ZNF383: variants seen among roughly 807,000 people sequenced by gnomAD.
The protein encoded by ZNF383 is zinc finger protein 383.
ZNF383 carries 32 observed loss-of-function variants against 44.2 expected under a neutral mutation model. The ratio of observed to expected loss-of-function variants is 0.72; its 90% CI spans 0.55 to 0.97. The LOEUF (loss-of-function observed/expected upper bound fraction) is 0.97, where lower values mean the gene tolerates loss of function less well. Among genes scored for constraint, ZNF383 ranks in the 50% least tolerant of loss-of-function variants. The probability of loss-of-function intolerance (pLI) is 0.00; values close to 1 mark genes in which losing one functional copy is unlikely to be tolerated. For missense variants in ZNF383, 487 were observed against 562.5 expected, an observed-to-expected ratio of 0.87 and a Z score of 1.36; for synonymous variants, 155 against 186.2, an observed-to-expected ratio of 0.83 and a Z score of 1.36.
At chr19:37,231,117 C>T (rs1273236954) in intron 3 of ZNF383, among the ~76,000 whole-genome samples, 3 of 152,322 alleles carry the variant, frequency 2.0e-5, no homozygotes, top group Middle Eastern at 3.4e-3. Flanking sequence ...TACAATGGTT[C>T]AGCCAATGCA....
Position 37,243,818 on chromosome 19 carries a change from C to T in ZNF383, c.*154C>T, listed in dbSNP as rs928235227. The T allele has an allele frequency of 1.6e-4, 83 of 531,858 alleles. No individual in the cohort carries two copies. The highest frequency in any genetic ancestry group is 1.8e-4 in the Non-Finnish European group (57 of 311,412). 32.9% of individuals were successfully genotyped at this position (531,858 alleles called of 1,614,324 possible). A position where few individuals can be genotyped will look rare whatever the true frequency, so the allele number is the denominator to read the frequency against. On this transcript the variant is annotated 3_prime_UTR_variant, in exon 6 of 6. Coordinates refer to ENST00000684119, the MANE Select transcript of ZNF383 (RefSeq NM_001387601.1). ...GTTATAAATTCGGAGTCTAAAGTGA[C>T]ATTCCCTCTCTCCCCCAGTCATATA...
intron 1 of ZNF383, among the ~76,000 whole-genome samples, chr19:37,220,553 A>G (rs1474739570): frequency 1.5e-5 from 2 of 137,422 alleles, no homozygotes; most frequent in Non-Finnish European, 3.0e-5. Flanking sequence ...CTCCTGGCCT[A>G]TATTTGTTTT....
At chr19:37,239,866 T>TA in intron 5 of ZNF383, among the ~76,000 whole-genome samples, 1 of 152,166 alleles carries the variant, frequency 6.6e-6, no homozygotes, top group Non-Finnish European at 1.5e-5. Context: ...AGATGAAAGT[T>TA]ACTGCAAGAT....
intron 1 of ZNF383, among the ~76,000 whole-genome samples, chr19:37,222,812 G>T (rs1053933757): frequency 7.2e-5 from 11 of 152,122 alleles, no homozygotes; most frequent in Non-Finnish European, 1.3e-4. Context: ...TTTGTCTTGG[G>T]TGTATTTCTA....
intron 3 of ZNF383, among the ~76,000 whole-genome samples, chr19:37,232,535 C>T (rs1171349708): frequency 6.6e-6 from 1 of 152,090 alleles, no homozygotes; most frequent in Non-Finnish European, 1.5e-5. Context: ...GGATGCACAT[C>T]GTATCTGGTT....
intron 1 of ZNF383, among the ~76,000 whole-genome samples, chr19:37,224,013 G>A (rs966829285): frequency 6.6e-6 from 1 of 151,804 alleles, no homozygotes; most frequent in African/African-American, 2.4e-5. Flanking sequence ...CAGCCTGGGC[G>A]GCAGAGTGAG....
intron 1 of ZNF383, among the ~76,000 whole-genome samples, chr19:37,222,816 A>G (rs1215517337): frequency 6.6e-6 from 1 of 152,114 alleles, no homozygotes; most frequent in Non-Finnish European, 1.5e-5. Flanking sequence ...TCTTGGGTGT[A>G]TTTCTAGGAG....
chr19:37,243,635 C>A lies in ZNF383; in HGVS notation c.1399C>A (p.Arg467Ser). The change falls in exon 6 of 6, where the codon CGT becomes AGT. Residue 467 changes from arginine (R) to serine (S), a missense_variant. Physicochemically the swap from Arg to Ser is moderately radical, Grantham distance 110. Coordinates refer to ENST00000684119, the MANE Select transcript of ZNF383 (RefSeq NM_001387601.1). Reference protein sequence around the residue: ...KAFSSGSDLIRHQGIHTNK With the variant: ...KAFSSGSDLISHQGIHTNK ...TTTTAGTAGTGGCTCGGATCTCATT[C>A]GTCATCAGGGAATTCATACTAATAA... 1.3e-6 allele frequency: 2 copies of A among 1,565,258 alleles called. No homozygotes were observed. The highest frequency in any genetic ancestry group is 1.7e-6 in the Non-Finnish European group (2 of 1,156,302).
At chr19:37,222,759 G>A (rs1030779360) in intron 1 of ZNF383, among the ~76,000 whole-genome samples, 5 of 152,122 alleles carry the variant, frequency 3.3e-5, no homozygotes, top group South Asian at 2.1e-4. Context: ...AAACGCTGCC[G>A]GGAACATTCT....
intron 3 of ZNF383, among the ~76,000 whole-genome samples, chr19:37,234,204 C>G (rs1211890801): frequency 6.6e-6 from 1 of 152,010 alleles, no homozygotes; most frequent in Admixed American, 6.6e-5. Flanking sequence ...GCATTAGTTG[C>G]TAATGAAACA....
Position 37,242,723 on chromosome 19 carries a change from A to C in ZNF383, c.487A>C (p.Ile163Leu). 6.2e-7 allele frequency: 1 copy of C among 1,614,114 alleles called. No homozygotes were observed. The highest frequency in any genetic ancestry group is 8.5e-7 in the Non-Finnish European group (1 of 1,179,982). ...QQTFLTLHQI[I>L]NNEDRPYECK... ...GACATTCCTTACTCTCCATCAAATA[A>C]TTAATAATGAAGACAGACCCTATGA... is the stretch of plus-strand genomic sequence containing the variant. Residue 163 changes from isoleucine to leucine, a missense_variant, in exon 6 of 6, where the codon ATT becomes CTT. Physicochemically the swap from Ile to Leu is conservative, Grantham distance 5. Transcript: ENST00000684119.
At chr19:37,242,367 C>G in intron 5 of ZNF383, 102 bp from the exon 6 acceptor site, 2 of 703,056 alleles carry the variant, frequency 2.8e-6, no homozygotes, top group Non-Finnish European at 4.6e-6. Context: ...TGTCATTTAC[C>G]TAGTAGATAC....
intron 5 of ZNF383, among the ~76,000 whole-genome samples, chr19:37,240,473 G>C (rs1392766899): frequency 6.6e-6 from 1 of 152,214 alleles, no homozygotes; most frequent in Admixed American, 6.5e-5. Flanking sequence ...CAACGATTAA[G>C]TATCAGAATT....
intron 5 of ZNF383, among the ~76,000 whole-genome samples, chr19:37,241,891 A>G (rs1040750594): frequency 6.6e-6 from 1 of 150,560 alleles, no homozygotes; most frequent in Non-Finnish European, 1.5e-5. Flanking sequence ...ATTGTATGAT[A>G]TACTTATCTC....
intron 1 of ZNF383, among the ~76,000 whole-genome samples, chr19:37,221,793 A>AAAT (rs1156349500): frequency 6.6e-6 from 1 of 150,818 alleles, no homozygotes; most frequent in Non-Finnish European, 1.5e-5. Flanking sequence ...AAAAAAAAAA[A>AAAT]AAAATACAAA....
chr19:37,242,792 A>G lies in ZNF383; in HGVS notation c.556A>G (p.Ile186Val), dbSNP rs976544822. 3 of 1,614,014 alleles carry G rather than the reference A, an allele frequency of 1.9e-6. No homozygotes were observed. The highest frequency in any genetic ancestry group is 2.5e-6 in the Non-Finnish European group (3 of 1,180,006). ...GKAFSQNSQF[I>V]QHQRIHIGEK... ...GGCCTTTAGTCAGAACTCACAATTTATTCAACATCAGAGAATTCATATTGG... is the reference window on the plus strand; with the variant it reads ...GGCCTTTAGTCAGAACTCACAATTTGTTCAACATCAGAGAATTCATATTGG... Residue 186 changes from isoleucine to valine, a missense_variant, in exon 6 of 6, where the codon ATT becomes GTT. Coordinates refer to ENST00000684119, the MANE Select transcript of ZNF383 (RefSeq NM_001387601.1).
At chr19:37,238,472 G>C (rs1159080562) in intron 5 of ZNF383, among the ~76,000 whole-genome samples, 1 of 152,060 alleles carries the variant, frequency 6.6e-6, no homozygotes, top group Non-Finnish European at 1.5e-5. Context: ...AGAGGCTAGA[G>C]AGGGCCTCTC....
chr19:37,228,955 A>G (rs955362283), intron 2 of ZNF383, among the ~76,000 whole-genome samples: 4 of 152,022 alleles, frequency 2.6e-5, no homozygotes, highest in Non-Finnish European at 5.9e-5. Context: ...TTTCATAGCT[A>G]TTTCAACTGA....
intron 2 of ZNF383, among the ~76,000 whole-genome samples, chr19:37,227,395 T>C (rs977382421): frequency 6.6e-5 from 10 of 152,238 alleles, no homozygotes; most frequent in African/African-American, 2.4e-4. Context: ...ATTACAGGCA[T>C]GAGCCACCGC....
Sources: gnomAD v4.1 joint callset for allele counts (sites outside exome capture counted in the v4.1 genomes callset) on GRCh38, gnomAD v4.1.1 for gene constraint, MANE v1.5 for transcripts, NCBI Gene and HGNC (gene_info 2026-07-23, HGNC 2026-07-21) for gene names.